Variants in SFRP1 observed in about 807,000 individuals in gnomAD.
SFRP1 encodes secreted frizzled related protein 1.
A neutral mutation model predicts 25.9 loss-of-function variants in SFRP1; 9 were observed. The observed-to-expected ratio is 0.35, with a 90% CI of 0.21 to 0.61. The LOEUF is 0.61. Among genes scored for constraint, SFRP1 ranks in the 20% least tolerant of loss-of-function variants. The probability of loss-of-function intolerance (pLI) is 0.78; values close to 1 mark genes in which losing one functional copy is unlikely to be tolerated. For missense variants in SFRP1, 346 were observed against 418.2 expected (o/e 0.83, Z 1.51); for synonymous variants, 178 against 174.0 (o/e 1.02, Z -0.18).
rs368207178 is a variant in SFRP1, at chr8:41,265,566, C to G, written c.623-77G>C. 7 of 984,190 alleles carry G rather than the reference C, an allele frequency of 7.1e-6. No individual in the cohort carries two copies. In the African/African-American group the frequency reaches 1.2e-4, roughly 16 times the overall value. 61.0% of individuals were successfully genotyped at this position (984,190 alleles called of 1,614,324 possible). On this transcript the variant is annotated intron_variant, in intron 2 of 2. Coordinates refer to ENST00000220772, the MANE Select transcript of SFRP1 (RefSeq NM_003012.5). ...AGAACACAGCTTTTCTTTTTTTGAT[C>G]CTCAAAGTGATTGCATTTTATTATT...
In SFRP1 at chr8:41,295,386, G is replaced by C. The variant is rs138407535; in HGVS notation, c.622+8075C>G. ...AAAAAAAAAGAAAAAAAAATTAGCC[G>C]AGCATGGTGGTGGGCGCCTGTAATC... is the stretch of plus-strand genomic sequence containing the variant. On this transcript the variant is annotated intron_variant, in intron 2 of 2. Coordinates refer to ENST00000220772, the MANE Select transcript of SFRP1 (RefSeq NM_003012.5). Among the ~76,000 whole-genome samples the C allele has an allele frequency of 3.3e-3, 495 of 151,672 alleles. 2 individuals are homozygous for C. Among genetic ancestry groups the C allele is most frequent in the African/African-American group, 0.012 (480 of 41,332 alleles).
chr8:41,276,658 A>G (rs1803575682), intron 2 of SFRP1, among the ~76,000 whole-genome samples: 1 of 152,244 alleles, frequency 6.6e-6, no homozygotes, highest in African/African-American at 2.4e-5. Flanking sequence ...CTAAACTAAA[A>G]GAACAAGATC....
Position 41,305,781 on chromosome 8 carries a change from T to C in SFRP1, c.545-2243A>G, listed in dbSNP as rs907541636. On this transcript the variant is annotated intron_variant, in intron 1 of 2. Transcript: ENST00000220772. ...TTAAGTGATTTTTGTGATACATCAA[T>C]CCACACACACACAAGTGCTTTCTCA... Among the ~76,000 whole-genome samples, 5 of 152,220 alleles carry C rather than the reference T, an allele frequency of 3.3e-5. No homozygotes were observed. In the South Asian group the frequency reaches 1.0e-3, roughly 32 times the overall value.
chr8:41,297,785 C>T (rs866501011), intron 2 of SFRP1, among the ~76,000 whole-genome samples: 1 of 152,052 alleles, frequency 6.6e-6, no homozygotes, highest in African/African-American at 2.4e-5. Context: ...GCCGGCTTTC[C>T]CACCAAGAAG....
intron 2 of SFRP1, among the ~76,000 whole-genome samples, chr8:41,297,381 A>T (rs1803856834): frequency 6.6e-6 from 1 of 152,128 alleles, no homozygotes; most frequent in African/African-American, 2.4e-5. Context: ...TGGGTTTTTT[A>T]AAAGACTTCT....
At chr8:41,268,587 CCTTT>C (rs1803464139) in intron 2 of SFRP1, among the ~76,000 whole-genome samples, 2 of 152,132 alleles carry the variant, frequency 1.3e-5, no homozygotes, top group South Asian at 4.1e-4. Flanking sequence ...CCACTTGGCC[CCTTT>C]CTTTTTTTGA....
At position 41,309,151 on chromosome 8, in the gene SFRP1, G is replaced by T. The variant is rs368800480; in HGVS notation, c.9C>A (p.Ile3=). The T allele has an allele frequency of 7.5e-5, 105 of 1,407,460 alleles. No homozygotes were observed. The African/African-American group carries it at 1.2e-3, about 16-fold the overall frequency. The allele number at this position is 1,407,460 out of a possible 1,614,324, so 87.2% of individuals were successfully genotyped here. ...CGCGGCGGCCCCCCTCGCTGCGCCC[G>T]ATGCCCATGCCGGCTCTGCGCCCTG... MG[I]GRSEGGRRGA... Residue 3 remains isoleucine, a synonymous_variant, in exon 1 of 3, where the codon ATC becomes ATA. Transcript: ENST00000220772.
At position 41,309,038 on chromosome 8, in the gene SFRP1, G is replaced by A. The variant is rs773186629; in HGVS notation, c.122C>T (p.Ser41Leu). The A allele has an allele frequency of 1.2e-6, 2 of 1,607,942 alleles. No homozygotes were observed. Among genetic ancestry groups the A allele is most frequent in the East Asian group, 2.2e-5 (1 of 44,852 alleles). ...ASEYDYVSFQSDIGPYQSGRF... is the reference protein window; with the variant it reads ...ASEYDYVSFQLDIGPYQSGRF... ...CCCGCTCTGGTACGGGCCGATGTCCGACTGGAAGCTCACGTAGTCGTACTC... is the reference window on the plus strand; with the variant it reads ...CCCGCTCTGGTACGGGCCGATGTCCAACTGGAAGCTCACGTAGTCGTACTC... The change falls in exon 1 of 3, where the codon TCG (serine) becomes TTG (leucine). Residue 41 changes from serine to leucine, a missense_variant. Transcript: ENST00000220772.
chr8:41,271,203 G>A (rs1803501456), intron 2 of SFRP1: 1 of 154,116 alleles, frequency 6.5e-6, no homozygotes, highest in South Asian at 2.0e-4. Context: ...ACAAATCACA[G>A]GCCCTGCATG....
intron 2 of SFRP1, among the ~76,000 whole-genome samples, chr8:41,270,857 A>G (rs190371949): frequency 3.9e-5 from 6 of 151,968 alleles, no homozygotes; most frequent in African/African-American, 1.2e-4. Context: ...AAAAGGGGGA[A>G]AAAAAGAAGG....
chr8:41,265,143 C>CCCCCCCCCCCCCCCAGGG lies in SFRP1; in HGVS notation c.*23_*24insCCCTGGGGGGGGGGGGGG. The CCCCCCCCCCCCCCCAGGG allele has an allele frequency of 8.2e-7, 1 of 1,216,460 alleles. No homozygotes were observed. The highest frequency in any genetic ancestry group is 2.1e-5 in the Admixed American group (1 of 47,156). 75.4% of individuals were successfully genotyped at this position (1,216,460 alleles called of 1,614,324 possible). ...CCGCTCCCACCCCACCCGAGGCTCC[C>CCCCCCCCCCCCCCCAGGG]TCCCCACCCTGCCCCCGGGAGAATC... On this transcript the variant is annotated 3_prime_UTR_variant, in exon 3 of 3. Coordinates refer to ENST00000220772, the MANE Select transcript of SFRP1 (RefSeq NM_003012.5).
chr8:41,308,991 G>T lies in SFRP1; in HGVS notation c.169C>A (p.Gln57Lys). 1 of 1,613,102 alleles carries T rather than the reference G, an allele frequency of 6.2e-7. No homozygotes were observed. ...AGGTCCGCGGGGATGTCCACGCACTGAGGTGGCTTGGTGTAGAAGCGCCCG... is the reference window on the plus strand; with the variant it reads ...AGGTCCGCGGGGATGTCCACGCACTTAGGTGGCTTGGTGTAGAAGCGCCCG... ...QSGRFYTKPP[Q>K]CVDIPADLRL... The change falls in exon 1 of 3, where the codon CAG (glutamine) becomes AAG (lysine). Residue 57 changes from glutamine (Q) to lysine (K), a missense_variant. By Grantham distance (53) the Gln-to-Lys change is moderately conservative. Transcript: ENST00000220772.
At chr8:41,306,602 A>G (rs1804000777) in intron 1 of SFRP1, 1 of 1,215,394 alleles carries the variant, frequency 8.2e-7, no homozygotes, top group African/African-American at 1.5e-5. Context: ...GTGCCATCTC[A>G]GGGCAGAGCC....
intron 2 of SFRP1, among the ~76,000 whole-genome samples, chr8:41,266,934 G>T (rs1350977527): frequency 6.6e-6 from 1 of 152,192 alleles, no homozygotes. Flanking sequence ...CAGCATGGGA[G>T]AAATCAGTTT....
chr8:41,307,134 T>C, intron 1 of SFRP1: 1 of 819,546 alleles, frequency 1.2e-6, no homozygotes. Flanking sequence ...CTGCAGGGGA[T>C]GGGTGCAAGC....
chr8:41,264,970 G>T lies in SFRP1; in HGVS notation c.*197C>A. 1 of 553,606 alleles carries T rather than the reference G, an allele frequency of 1.8e-6. No individual in the cohort carries two copies. The highest frequency in any genetic ancestry group is 2.9e-5 in the East Asian group (1 of 34,418). The allele number at this position is 553,606 out of a possible 1,614,324, so 34.3% of individuals were successfully genotyped here. A position where few individuals can be genotyped will look rare whatever the true frequency, so the allele number is the denominator to read the frequency against. ...AATCTAAATGGCCCTTGCTTTACCC[G>T]GCCATGGCTACCCTGGGGTTTGGAG... On this transcript the variant is annotated 3_prime_UTR_variant, in exon 3 of 3. Transcript: ENST00000220772.
intron 1 of SFRP1, chr8:41,306,663 C>A: frequency 6.4e-7 from 1 of 1,566,368 alleles, no homozygotes. Context: ...CACTCCCGAC[C>A]GGCCCTCTCC....
chr8:41,302,133 C>A (rs1803928747), intron 2 of SFRP1, among the ~76,000 whole-genome samples: 1 of 152,350 alleles, frequency 6.6e-6, no homozygotes, highest in African/African-American at 2.4e-5. Flanking sequence ...ACTAGGTATA[C>A]AGGGAATCCT....
chr8:41,305,352 T>C (rs772782175), intron 1 of SFRP1, among the ~76,000 whole-genome samples: 3 of 152,240 alleles, frequency 2.0e-5, no homozygotes, highest in Non-Finnish European at 4.4e-5. Context: ...AGGAGGGCTC[T>C]GCACTTCTCA....
Sources: gnomAD v4.1 joint callset for allele counts (sites outside exome capture counted in the v4.1 genomes callset) on GRCh38, gnomAD v4.1.1 for gene constraint, MANE v1.5 for transcripts, NCBI Gene and HGNC (gene_info 2026-07-23, HGNC 2026-07-21) for gene names.